LRRC49: variants seen among roughly 807,000 people sequenced by gnomAD.
LRRC49 encodes leucine rich repeat containing 49.
A neutral mutation model predicts 83.3 loss-of-function variants in LRRC49; 50 were observed. The ratio of observed to expected loss-of-function variants is 0.60; its 90% confidence interval spans 0.48 to 0.76. The LOEUF is 0.76. LRRC49 is among the 30% of genes least tolerant of loss of function. The probability of loss-of-function intolerance (pLI) is 0.00; values close to 1 mark genes in which losing one functional copy is unlikely to be tolerated. For missense variants in LRRC49, 704 were observed against 809.1 expected (o/e 0.87, Z 1.58); for synonymous variants, 286 against 283.3 (o/e 1.01, Z -0.10).
intron 1 of LRRC49, among the ~76,000 whole-genome samples, chr15:70,855,084 A>C: frequency 6.6e-6 from 1 of 152,200 alleles, no homozygotes; most frequent in East Asian, 1.9e-4. Flanking sequence ...CTGTAATCTC[A>C]GCACTTTGGG....
intron 2 of LRRC49, among the ~76,000 whole-genome samples, chr15:70,893,925 C>T (rs1256261981): frequency 4.0e-5 from 6 of 148,560 alleles, no homozygotes; most frequent in Non-Finnish European, 8.9e-5. Flanking sequence ...CTAGCTGTAT[C>T]ACCCAGGCTG....
chr15:70,938,183 T>G (rs1201565758), intron 8 of LRRC49, among the ~76,000 whole-genome samples: 1 of 152,118 alleles, frequency 6.6e-6, no homozygotes, highest in Admixed American at 6.6e-5. Flanking sequence ...CCCCAGGATA[T>G]CTGAATTTCT....
intron 15 of LRRC49, among the ~76,000 whole-genome samples, chr15:71,048,463 GATTTAAAT>G (rs2039921844): frequency 6.6e-6 from 1 of 152,090 alleles, no homozygotes; most frequent in Non-Finnish European, 1.5e-5. Flanking sequence ...TTGAGTTGGA[GATTTAAAT>G]GGATCCTTTT....
chr15:71,007,706 CATGTATAT>C (rs1195219162), intron 11 of LRRC49, among the ~76,000 whole-genome samples: 14 of 31,766 alleles, frequency 4.4e-4, no homozygotes, highest in Non-Finnish European at 7.8e-4. Context: ...GTATGAGAAG[CATGTATAT>C]ATATATATAT....
chr15:70,894,051 C>T (rs184513606), intron 2 of LRRC49, among the ~76,000 whole-genome samples: 159 of 152,156 alleles, frequency 1.0e-3, no homozygotes, highest in South Asian at 2.5e-3. Flanking sequence ...CATGCCACCA[C>T]GCCCGGCTAA....
intron 15 of LRRC49, among the ~76,000 whole-genome samples, chr15:71,047,569 G>A (rs1420324788): frequency 6.6e-6 from 1 of 152,228 alleles, no homozygotes; most frequent in South Asian, 2.1e-4. Flanking sequence ...TTCAATTTGA[G>A]AGCCTTTTGG....
chr15:70,986,117 G>A (rs1226585516), intron 11 of LRRC49, among the ~76,000 whole-genome samples: 2 of 149,896 alleles, frequency 1.3e-5, no homozygotes, highest in Admixed American at 1.3e-4. Flanking sequence ...GGCGATGTGG[G>A]CTCTTTTTTG....
chr15:71,033,731 C>T (rs959486676), intron 14 of LRRC49, among the ~76,000 whole-genome samples: 3 of 152,048 alleles, frequency 2.0e-5, no homozygotes, highest in Non-Finnish European at 4.4e-5. Context: ...AGAAATAAGA[C>T]CACACATCTA....
chr15:70,974,578 T>A (rs958855330), intron 9 of LRRC49, among the ~76,000 whole-genome samples: 1 of 152,114 alleles, frequency 6.6e-6, no homozygotes, highest in African/African-American at 2.4e-5. Flanking sequence ...GGTATATTGG[T>A]TGATCAAATG....
At chr15:70,945,976 A>G (rs995196454) in intron 8 of LRRC49, among the ~76,000 whole-genome samples, 7 of 152,194 alleles carry the variant, frequency 4.6e-5, no homozygotes, top group Non-Finnish European at 8.8e-5. Flanking sequence ...AAAGTTGTAT[A>G]TATTTGTGGT....
chr15:71,002,353 T>G (rs2038289927), intron 11 of LRRC49, among the ~76,000 whole-genome samples: 1 of 152,142 alleles, frequency 6.6e-6, no homozygotes, highest in South Asian at 2.1e-4. Flanking sequence ...CAAGTCTCTA[T>G]GAAAAAATTA....
At chr15:70,999,611 G>GGGGTTA (rs2038192706) in intron 11 of LRRC49, among the ~76,000 whole-genome samples, 1 of 152,122 alleles carries the variant, frequency 6.6e-6, no homozygotes, top group African/African-American at 2.4e-5. Context: ...AGATCAGCCA[G>GGGGTTA]GGGTTAGGGT....
intron 11 of LRRC49, among the ~76,000 whole-genome samples, chr15:70,995,301 AG>A (rs2038037645): frequency 1.3e-5 from 2 of 152,212 alleles, no homozygotes; most frequent in Non-Finnish European, 2.9e-5. Flanking sequence ...ATAAAGTAAG[AG>A]CATTAATAAT....
rs2099457881 is a variant in LRRC49, at chr15:71,007,280, C to A, written c.1170-1099C>A. The stretch of plus-strand genomic sequence containing the variant: ...TTCATTCAGTATACATTGTTAAAAG[C>A]TGATTACTAGATTTTGGGTCCCCAA... On this transcript the variant is annotated intron_variant, in intron 11 of 15. Coordinates refer to ENST00000260382, the MANE Select transcript of LRRC49 (RefSeq NM_017691.5). Among the ~76,000 whole-genome samples the A allele has an allele frequency of 2.0e-5, 3 of 151,868 alleles. No individual in the cohort carries two copies. In the South Asian group the frequency reaches 6.2e-4, roughly 31 times the overall value.
chr15:71,013,097 A>G (rs1403259935), intron 14 of LRRC49, among the ~76,000 whole-genome samples, 184 bp downstream of exon 14: 1 of 152,202 alleles, frequency 6.6e-6, no homozygotes, highest in African/African-American at 2.4e-5. Context: ...TATGGCTTAT[A>G]GTCTAATAAG....
At chr15:71,005,522 G>A (rs2038426152) in intron 11 of LRRC49, among the ~76,000 whole-genome samples, 1 of 152,028 alleles carries the variant, frequency 6.6e-6, no homozygotes, top group Non-Finnish European at 1.5e-5. Flanking sequence ...AGATATTGAG[G>A]TCATTTTAGT....
intron 2 of LRRC49, among the ~76,000 whole-genome samples, chr15:70,875,514 A>G (rs2033135298): frequency 6.6e-6 from 1 of 152,230 alleles, no homozygotes; most frequent in South Asian, 2.1e-4. Context: ...CCAAAAAGGC[A>G]AAGTAACCTG....
chr15:70,854,114 G>C, intron 1 of LRRC49: 1 of 1,238,018 alleles, frequency 8.1e-7, no homozygotes, highest in Non-Finnish European at 1.0e-6. Context: ...GGCGCCGCCG[G>C]GGTCCTCACG....
intron 10 of LRRC49, 70 bp from the exon 11 acceptor site, chr15:70,984,024 G>C: frequency 8.8e-7 from 1 of 1,138,488 alleles, no homozygotes. Context: ...CAAACAATAT[G>C]CCCCTTAGAT....
Sources: gnomAD v4.1 joint callset for allele counts (sites outside exome capture counted in the v4.1 genomes callset) on GRCh38, gnomAD v4.1.1 for gene constraint, MANE v1.5 for transcripts, NCBI Gene and HGNC (gene_info 2026-07-23, HGNC 2026-07-21) for gene names.